Variants in VPS53 observed in about 807,000 individuals in gnomAD.
VPS53 encodes vacuolar protein sorting-associated protein 53 homolog.
A neutral mutation model predicts 107.0 loss-of-function variants in VPS53; 70 were observed. The observed-to-expected ratio is 0.65, with a 90% CI of 0.54 to 0.80. The LOEUF is 0.80. Among genes scored for constraint, VPS53 ranks in the 30% least tolerant of loss-of-function variants. VPS53 has a pLI of 0.00. For synonymous variants in VPS53, 409 were observed against 393.3 expected (o/e 1.04, Z -0.47); for missense variants, 917 against 1,049.4 (o/e 0.87, Z 1.74).
In VPS53 at chr17:714,780, A is replaced by G; in HGVS notation, c.-71T>C. On this transcript the variant is annotated 5_prime_UTR_variant, in exon 1 of 22. Coordinates refer to ENST00000437048, the MANE Select transcript of VPS53 (RefSeq NM_001128159.3). Reference sequence around the variant, plus strand: ...GGCCTCCAGCCGCCACCCAGGCCCCAGCACAGCAACTCCCTCGCGGCAGCG... The same window carrying G: ...GGCCTCCAGCCGCCACCCAGGCCCCGGCACAGCAACTCCCTCGCGGCAGCG... The G allele has an allele frequency of 6.4e-7, 1 of 1,561,970 alleles. No individual in the cohort carries two copies. Among genetic ancestry groups the G allele is most frequent in the Non-Finnish European group, 8.8e-7 (1 of 1,134,714 alleles).
chr17:682,004 A>G (rs1401069674), intron 4 of VPS53, among the ~76,000 whole-genome samples: 1 of 151,376 alleles, frequency 6.6e-6, no homozygotes, highest in Non-Finnish European at 1.5e-5. Context: ...GTGCTGTGAC[A>G]TGCTGTTTTG....
At chr17:603,887 T>C (rs1429020394) in intron 11 of VPS53, among the ~76,000 whole-genome samples, 1 of 152,190 alleles carries the variant, frequency 6.6e-6, no homozygotes, top group Non-Finnish European at 1.5e-5. Context: ...CATAAAAAAA[T>C]TAAATTAGGT....
chr17:663,040 T>G (rs1185674725), intron 4 of VPS53, among the ~76,000 whole-genome samples: 1 of 151,144 alleles, frequency 6.6e-6, no homozygotes, highest in Non-Finnish European at 1.5e-5. Flanking sequence ...ACTCGGTCTC[T>G]GCAAAAAAAA....
intron 18 of VPS53, 148 bp from the exon 19 acceptor site, chr17:533,059 T>C: frequency 6.5e-6 from 9 of 1,378,266 alleles, no homozygotes; most frequent in Non-Finnish European, 7.7e-6. Context: ...ATCTTATTTT[T>C]CTTCTGAGTG....
intron 10 of VPS53, among the ~76,000 whole-genome samples, chr17:626,449 A>G (rs1458742345): frequency 6.6e-6 from 1 of 152,148 alleles, no homozygotes; most frequent in African/African-American, 2.4e-5. Context: ...ATGGGCGGGC[A>G]GATCACCTGA....
intron 4 of VPS53, among the ~76,000 whole-genome samples, chr17:687,729 C>G (rs1972639825): frequency 6.6e-6 from 1 of 152,098 alleles, no homozygotes. Context: ...CAAAGTAAGA[C>G]CCTGTCTCAA....
rs962433319 is a variant in VPS53 at position 661,843 on chromosome 17, T to C, written c.338A>G (p.Asp113Gly). The change falls in exon 5 of 22, where the codon GAT (aspartate) becomes GGT (glycine). Residue 113 changes from aspartate (D) to glycine (G), a missense_variant. By Grantham distance (94) the Asp-to-Gly change is moderately conservative. Transcript: ENST00000437048. ...AIQQLFGKIK[D>G]IKDKAEKSEQ... The stretch of plus-strand genomic sequence containing the variant: ...TGATTTTTCAGCTTTGTCTTTGATA[T>C]CTTTGATTTTGCCAAAGAGTTGTTG... 6 of 1,552,244 alleles carry C rather than the reference T, an allele frequency of 3.9e-6. No individual in the cohort carries two copies. In the African/African-American group the frequency reaches 8.2e-5, roughly 21 times the overall value.
intron 4 of VPS53, among the ~76,000 whole-genome samples, chr17:667,427 G>A (rs1971739946): frequency 6.7e-6 from 1 of 149,850 alleles, no homozygotes; most frequent in South Asian, 2.1e-4. Flanking sequence ...TGATTTAGCA[G>A]GAGAGAAATT....
intron 19 of VPS53, chr17:532,576 T>C: frequency 1.4e-6 from 1 of 717,016 alleles, no homozygotes; most frequent in Admixed American, 4.1e-5. Context: ...TTCTTCTTAT[T>C]GGAGTGTGAG....
chr17:642,253 T>C (rs1188023282), intron 7 of VPS53, among the ~76,000 whole-genome samples: 1 of 152,188 alleles, frequency 6.6e-6, no homozygotes, highest in Admixed American at 6.5e-5. Context: ...AGTGACCCCA[T>C]GAGACACTTC....
intron 12 of VPS53, among the ~76,000 whole-genome samples, chr17:601,408 C>A (rs1474570799): frequency 1.3e-5 from 2 of 152,206 alleles, no homozygotes; most frequent in Admixed American, 6.5e-5. Context: ...CCTCTCCTAG[C>A]CGAGGGTGCT....
At chr17:666,605 A>T (rs1971700519) in intron 4 of VPS53, among the ~76,000 whole-genome samples, 1 of 152,230 alleles carries the variant, frequency 6.6e-6, no homozygotes. Context: ...CAGAGGTTGC[A>T]GTGAGCCAAG....
At chr17:633,933 C>T (rs1409591367) in intron 7 of VPS53, among the ~76,000 whole-genome samples, 7 of 152,226 alleles carry the variant, frequency 4.6e-5, no homozygotes, top group African/African-American at 1.2e-4. Flanking sequence ...CCCCCCTGTT[C>T]CTACCCTCTT....
intron 7 of VPS53, among the ~76,000 whole-genome samples, chr17:653,028 C>T (rs1035657069): frequency 2.0e-5 from 3 of 152,242 alleles, no homozygotes; most frequent in African/African-American, 4.8e-5. Context: ...TCACTTCTTC[C>T]GGTGACAGTT....
chr17:509,814 A>AT lies in VPS53; in HGVS notation c.*9313dup, dbSNP rs1411128654. The AT allele has an allele frequency of 5.7e-6, 1 of 174,148 alleles. No homozygotes were observed. The highest frequency in any genetic ancestry group is 2.5e-5 in the African/African-American group (1 of 40,478). 10.8% of individuals were successfully genotyped at this position (174,148 alleles called of 1,614,324 possible). A position where few individuals can be genotyped will look rare whatever the true frequency, so the allele number is the denominator to read the frequency against. ...TCCTGGCTCGCCCCTCACTAGCCAC[A>AT]TATCAAATCCTGACTGGCTAACCCC... On this transcript the variant is annotated 3_prime_UTR_variant, in exon 22 of 22. Transcript: ENST00000437048.
At chr17:541,906 C>A (rs78053284) in intron 17 of VPS53, among the ~76,000 whole-genome samples, 1 of 149,496 alleles carries the variant, frequency 6.7e-6, no homozygotes, top group South Asian at 2.1e-4. Flanking sequence ...GTTTATCAAG[C>A]ACCTACCACG....
At chr17:663,034 G>A (rs1428521693) in intron 4 of VPS53, among the ~76,000 whole-genome samples, 3 of 151,608 alleles carry the variant, frequency 2.0e-5, no homozygotes, top group Admixed American at 1.3e-4. Flanking sequence ...GGCAAGACTC[G>A]GTCTCTGCAA....
At chr17:609,808 G>GA (rs1968763913) in intron 11 of VPS53, among the ~76,000 whole-genome samples, 2 of 151,842 alleles carry the variant, frequency 1.3e-5, no homozygotes, top group South Asian at 2.1e-4. Flanking sequence ...GAGAAGAGAG[G>GA]AAAAAAACAA....
At position 560,494 on chromosome 17, in the gene VPS53, G is replaced by C. The variant is rs751105105; in HGVS notation, c.1636C>G (p.Leu546Val). The change falls in exon 15 of 22, where the codon CTG becomes GTG. Residue 546 changes from leucine to valine, a missense_variant. Physicochemically the swap from Leu to Val is conservative, Grantham distance 32. Transcript: ENST00000437048. ...TTACAGATGAGGCAGAGCTCCTCCA[G>C]AGTGAACTTGGCTACTTCTGAGCCC... ...KEGSEVAKFTLEELCLICNIL... is the reference protein window; with the variant it reads ...KEGSEVAKFTVEELCLICNIL... The C allele has an allele frequency of 8.1e-6, 13 of 1,613,610 alleles. No individual in the cohort carries two copies. In the South Asian group the frequency reaches 1.4e-4, roughly 18 times the overall value.
Sources: allele counts gnomAD v4.1 joint callset (sites outside exome capture counted in the v4.1 genomes callset), GRCh38; gene constraint gnomAD v4.1.1; transcripts MANE v1.5; gene names NCBI Gene and HGNC (gene_info 2026-07-23, HGNC 2026-07-21).